Variants in TMPRSS7 observed in about 807,000 individuals in gnomAD.
The protein encoded by TMPRSS7 is transmembrane serine protease 7.
TMPRSS7 carries 81 observed loss-of-function variants against 95.6 expected under a neutral mutation model. The ratio of observed to expected loss-of-function variants is 0.85; its 90% CI spans 0.71 to 1.02. The LOEUF (loss-of-function observed/expected upper bound fraction) is 1.02, where lower values mean the gene tolerates loss of function less well. Among genes scored for constraint, TMPRSS7 ranks in the 50% least tolerant of loss-of-function variants. The pLI, the probability that TMPRSS7 is intolerant of heterozygous loss-of-function variation, is 0.00. For missense variants in TMPRSS7, 945 were observed against 955.2 expected (o/e 0.99, Z 0.14); for synonymous variants, 364 against 337.8 (o/e 1.08, Z -0.85).
At chr3:112,040,730 A>C (rs2073197367) in intron 2 of TMPRSS7, among the ~76,000 whole-genome samples, 1 of 152,360 alleles carries the variant, frequency 6.6e-6, no homozygotes, top group East Asian at 1.9e-4. Context: ...AAATCAGAGA[A>C]GGCCACTTCA....
rs1559964903 is a variant in TMPRSS7 at position 112,077,021 on chromosome 3, AG to A, written c.2102del (p.Ser701IlefsTer8). The A allele has an allele frequency of 1.9e-6, 3 of 1,614,206 alleles. No individual in the cohort carries two copies. The East Asian group carries it at 6.7e-5, about 36-fold the overall frequency. ...TTATGATATTGCTTTGCTACAGCTC[AG>A]TATTGCCTGGCCTGAGACCCTGAAA... On this transcript the variant is annotated frameshift_variant, in exon 16 of 18. Transcript: ENST00000452346. LOFTEE classifies it high-confidence loss of function.
intron 5 of TMPRSS7, 46 bp from the exon 6 acceptor site, chr3:112,046,928 T>G (rs1464692508): frequency 1.4e-6 from 1 of 695,686 alleles, no homozygotes; most frequent in Non-Finnish European, 2.6e-6. Flanking sequence ...TCTAACAAAA[T>G]GAAATGATAG....
exon 11 of TMPRSS7, chr3:112,061,864 G>C (rs2107752444): frequency 1.2e-6 from 2 of 1,612,000 alleles, no homozygotes; most frequent in East Asian, 4.5e-5. Context: ...CTCCAGTGCA[G>C]TTCAAGGCTT....
exon 11 of TMPRSS7, chr3:112,061,901 T>C (rs546578563): frequency 6.2e-7 from 1 of 1,611,072 alleles, no homozygotes; most frequent in African/African-American, 1.3e-5. Context: ...TGGCAGAATA[T>C]GGCAGTTACA....
intron 6 of TMPRSS7, 120 bp from the exon 7 acceptor site, chr3:112,047,619 C>G: frequency 1.4e-6 from 1 of 731,258 alleles, no homozygotes; most frequent in Non-Finnish European, 2.3e-6. Flanking sequence ...TGGACCTAGG[C>G]TGGCCATATG....
At chr3:112,074,385 C>T in exon 14 of TMPRSS7, 1 of 1,613,226 alleles carries the variant, frequency 6.2e-7, no homozygotes, top group Non-Finnish European at 8.5e-7. Flanking sequence ...AGTGGATTGT[C>T]CAGATGGAAG....
chr3:112,077,051 C>T, exon 16 of TMPRSS7: 1 of 1,614,236 alleles, frequency 6.2e-7, no homozygotes, highest in Non-Finnish European at 8.5e-7. Context: ...CCTGAAACAG[C>T]TCATTCAGCC....
At chr3:112,081,011 A>G (rs773609622) in exon 18 of TMPRSS7, 1 of 1,613,788 alleles carries the variant, frequency 6.2e-7, no homozygotes, top group Non-Finnish European at 8.5e-7. Flanking sequence ...GGACGACCAA[A>G]CTTTCCTGGT....
exon 18 of TMPRSS7, chr3:112,081,103 T>A: frequency 6.3e-7 from 1 of 1,582,942 alleles, no homozygotes. Context: ...GTTGTATTTT[T>A]ACTGTGATTT....
chr3:112,043,306 C>T (rs1160342417), intron 3 of TMPRSS7, among the ~76,000 whole-genome samples: 1 of 152,250 alleles, frequency 6.6e-6, no homozygotes. Flanking sequence ...AGTTGCTCAG[C>T]TCCATCATAA....
intron 15 of TMPRSS7, among the ~76,000 whole-genome samples, chr3:112,075,875 A>G (rs1190056031): frequency 6.6e-6 from 1 of 152,208 alleles, no homozygotes; most frequent in Non-Finnish European, 1.5e-5. Flanking sequence ...GTAAGAGGAC[A>G]TCTTAGAAAA....
At chr3:112,045,125 A>G (rs2073261188) in intron 4 of TMPRSS7, among the ~76,000 whole-genome samples, 1 of 152,132 alleles carries the variant, frequency 6.6e-6, no homozygotes, top group African/African-American at 2.4e-5. Flanking sequence ...GACATGGCAG[A>G]GTATCAAACA....
At chr3:112,074,471 T>C (rs1047951461) in intron 14 of TMPRSS7, 59 bp downstream of exon 14, 2 of 1,259,584 alleles carry the variant, frequency 1.6e-6, no homozygotes, top group Non-Finnish European at 1.1e-6. Context: ...ACCTGTTTGT[T>C]ATATTTTCAT....
chr3:112,067,503 CT>C (rs1196549466), intron 13 of TMPRSS7, among the ~76,000 whole-genome samples: 2 of 152,322 alleles, frequency 1.3e-5, no homozygotes, highest in East Asian at 3.9e-4. Context: ...TGTTTCCTGA[CT>C]TTTTAGTGAT....
chr3:112,038,119 A>T (rs1231067653), exon 2 of TMPRSS7: 1 of 702,750 alleles, frequency 1.4e-6, no homozygotes, highest in Non-Finnish European at 2.6e-6. Context: ...AGAAGCTGCC[A>T]GTGAGACGAC....
intron 13 of TMPRSS7, among the ~76,000 whole-genome samples, chr3:112,069,741 G>A (rs1051988586): frequency 6.6e-6 from 1 of 151,956 alleles, no homozygotes; most frequent in Non-Finnish European, 1.5e-5. Flanking sequence ...CTTGCTAGCG[G>A]TCTATCAATT....
chr3:112,061,833 A>C, exon 11 of TMPRSS7: 1 of 1,612,868 alleles, frequency 6.2e-7, no homozygotes, highest in Non-Finnish European at 8.5e-7. Context: ...TCGAGTGCCC[A>C]GCCCTCTGGT....
At position 112,047,733 on chromosome 3, in the gene TMPRSS7, C is replaced by T; in HGVS notation, c.731-6C>T. 6.2e-7 allele frequency: 1 copy of T among 1,600,396 alleles called. No individual in the cohort carries two copies. Among genetic ancestry groups the T allele is most frequent in the Non-Finnish European group, 8.6e-7 (1 of 1,168,618 alleles). The stretch of plus-strand genomic sequence containing the variant: ...AAAATAAAGGAAAATGGTGCTGTCT[C>T]CACAGACAAAGGCTGCTCTCAGTAC... On this transcript the variant is annotated splice_polypyrimidine_tract_variant and splice_region_variant and intron_variant, in intron 6 of 17. Transcript: ENST00000452346.
At chr3:112,053,280 T>C (rs2073386896) in intron 9 of TMPRSS7, among the ~76,000 whole-genome samples, 2 of 152,104 alleles carry the variant, frequency 1.3e-5, no homozygotes, top group Admixed American at 6.5e-5. Flanking sequence ...CCTCAATCCA[T>C]CTTAGTGTCT....
Sources: gnomAD v4.1 joint callset for allele counts (sites outside exome capture counted in the v4.1 genomes callset) on GRCh38, gnomAD v4.1.1 for gene constraint, MANE v1.5 for transcripts, NCBI Gene and HGNC (gene_info 2026-07-23, HGNC 2026-07-21) for gene names.